The following PPFIA2 variants were observed in gnomAD, a reference collection of about 807,000 sequenced individuals.
The protein encoded by PPFIA2 is liprin-alpha-2.
PPFIA2 carries 46 observed loss-of-function variants against 175.5 expected under a neutral mutation model. The observed-to-expected ratio is 0.26, with a 90% CI of 0.21 to 0.34. The LOEUF (loss-of-function observed/expected upper bound fraction) is 0.34. Among genes scored for constraint, PPFIA2 ranks in the 10% least tolerant of loss-of-function variants. The pLI is 1.00. For missense variants in PPFIA2, 1,179 were observed against 1,506.1 expected (o/e 0.78, Z 3.60); for synonymous variants, 568 against 511.4 (o/e 1.11, Z -1.49).
chr12:81,713,898 T>C (rs548690218), intron 3 of PPFIA2, among the ~76,000 whole-genome samples: 2 of 151,394 alleles, frequency 1.3e-5, no homozygotes, highest in African/African-American at 4.8e-5. Flanking sequence ...ATTTGTCTGT[T>C]AGTAATAAAT....
At chr12:81,599,631 C>T (rs1290504877) in intron 4 of PPFIA2, among the ~76,000 whole-genome samples, 4 of 151,952 alleles carry the variant, frequency 2.6e-5, no homozygotes. Flanking sequence ...AACTAAGAAA[C>T]TGATGTTAGT....
At chr12:81,637,201 C>T (rs2064193771) in intron 4 of PPFIA2, among the ~76,000 whole-genome samples, 1 of 143,634 alleles carries the variant, frequency 7.0e-6, no homozygotes, top group Non-Finnish European at 1.5e-5. Flanking sequence ...TCCCAAGTAG[C>T]TGGGATTACA....
At chr12:81,410,800 A>G (rs1320523979) in intron 7 of PPFIA2, among the ~76,000 whole-genome samples, 2 of 152,056 alleles carry the variant, frequency 1.3e-5, no homozygotes, top group Admixed American at 1.3e-4. Flanking sequence ...AGCTATGGGA[A>G]ACGATTCTCT....
chr12:81,441,536 T>C (rs2050175345), intron 6 of PPFIA2, among the ~76,000 whole-genome samples: 1 of 152,092 alleles, frequency 6.6e-6, no homozygotes, highest in African/African-American at 2.4e-5. Flanking sequence ...TATCCAATTG[T>C]TAACAAAATA....
At chr12:81,360,045 A>T (rs1408014830) in intron 15 of PPFIA2, among the ~76,000 whole-genome samples, 1 of 151,820 alleles carries the variant, frequency 6.6e-6, no homozygotes, top group Non-Finnish European at 1.5e-5. Flanking sequence ...TTCTCCTGAA[A>T]ACAGTCTCAA....
intron 3 of PPFIA2, among the ~76,000 whole-genome samples, chr12:81,729,294 A>C (rs1379929761): frequency 1.3e-5 from 2 of 151,534 alleles, no homozygotes; most frequent in East Asian, 3.9e-4. Context: ...CCATGGTCAC[A>C]CAGAAAAATT....
intron 8 of PPFIA2, among the ~76,000 whole-genome samples, chr12:81,393,681 GGAGTACCAA>G (rs1208245212): frequency 6.6e-6 from 1 of 152,176 alleles, no homozygotes; most frequent in East Asian, 1.9e-4. Context: ...TAGATCACAA[GGAGTACCAA>G]GAGTCCACAA....
At chr12:81,629,260 A>G (rs1195807563) in intron 4 of PPFIA2, among the ~76,000 whole-genome samples, 1 of 152,180 alleles carries the variant, frequency 6.6e-6, no homozygotes, top group Non-Finnish European at 1.5e-5. Context: ...ATTATATTCT[A>G]ACTAGGTAGA....
chr12:81,274,356 ATAT>A lies in PPFIA2; in HGVS notation c.3310+2958_3310+2960del, dbSNP rs561076181. Among the ~76,000 whole-genome samples, 245 of 152,328 alleles carry A rather than the reference ATAT, an allele frequency of 1.6e-3. 1 individual carries two copies. The highest frequency in any genetic ancestry group is 3.4e-3 in the Middle Eastern group (1 of 294). ...GGTTTATATTTTGATAGTCTAAGAC[ATAT>A]TATGTGGTCGTGATATTTCTGCAAA... On this transcript the variant is annotated intron_variant, in intron 28 of 32. Transcript: ENST00000549396.
chr12:81,273,889 C>G (rs557105557), intron 28 of PPFIA2, among the ~76,000 whole-genome samples: 1 of 151,564 alleles, frequency 6.6e-6, no homozygotes, highest in Non-Finnish European at 1.5e-5. Context: ...CCCCGCCCCC[C>G]CCCAAACCGG....
intron 3 of PPFIA2, chr12:81,687,509 C>A (rs549173582): frequency 1.3e-5 from 2 of 152,146 alleles, no homozygotes; most frequent in South Asian, 4.1e-4. Context: ...GAGGGTTCTA[C>A]TCTAGCACAA....
intron 7 of PPFIA2, chr12:81,430,328 G>C (rs903357198): frequency 2.0e-5 from 3 of 152,028 alleles, no homozygotes; most frequent in Admixed American, 6.6e-5. Flanking sequence ...TTTCTCAAAA[G>C]AGTATTACCT....
intron 4 of PPFIA2, among the ~76,000 whole-genome samples, chr12:81,569,866 G>C (rs1195206543): frequency 6.6e-6 from 1 of 152,188 alleles, no homozygotes; most frequent in African/African-American, 2.4e-5. Context: ...GGTTAGAAAT[G>C]ATTATGTCAA....
At chr12:81,591,679 A>C (rs73145474) in intron 4 of PPFIA2, among the ~76,000 whole-genome samples, 4,194 of 152,242 alleles carry the variant, frequency 0.028, 69 homozygotes, top group East Asian at 0.078. Context: ...TGGAAGCCTG[A>C]AGCCTTGGCA....
intron 28 of PPFIA2, among the ~76,000 whole-genome samples, chr12:81,276,321 T>G (rs1035432607): frequency 2.0e-5 from 3 of 152,126 alleles, no homozygotes; most frequent in Non-Finnish European, 2.9e-5. Flanking sequence ...ATGGGTACAA[T>G]GTACATCATT....
intron 22 of PPFIA2, among the ~76,000 whole-genome samples, chr12:81,308,952 G>T (rs1356326619): frequency 6.6e-6 from 1 of 152,136 alleles, no homozygotes; most frequent in Non-Finnish European, 1.5e-5. Flanking sequence ...TGGCACATAA[G>T]AAGTACTTAC....
At position 81,258,858 on chromosome 12, in the gene PPFIA2, T is replaced by A. The variant is rs1379485646; in HGVS notation, c.*836A>T. ...TGTGGTTCTTAGTAAAGAAGTTTTT[T>A]TATCTTTTTTTTTTTCTTGGTCCAC... On this transcript the variant is annotated 3_prime_UTR_variant, in exon 33 of 33. Transcript: ENST00000549396. The A allele has an allele frequency of 6.6e-6, 1 of 150,830 alleles. No individual in the cohort carries two copies. Among genetic ancestry groups the A allele is most frequent in the African/African-American group, 2.5e-5 (1 of 40,292 alleles). The allele number at this position is 150,830 out of a possible 1,614,324, so 9.3% of individuals were successfully genotyped here.
chr12:81,591,554 C>G (rs541858582), intron 4 of PPFIA2, among the ~76,000 whole-genome samples: 126 of 152,234 alleles, frequency 8.3e-4, no homozygotes, highest in Non-Finnish European at 1.2e-3. Context: ...TTTCATGGGC[C>G]GGGCCCAGGG....
chr12:81,316,976 T>C (rs2052513971), intron 22 of PPFIA2, among the ~76,000 whole-genome samples: 1 of 151,654 alleles, frequency 6.6e-6, no homozygotes, highest in Non-Finnish European at 1.5e-5. Context: ...TATTTCTTGA[T>C]GCATAAAAGA....
Sources: allele counts gnomAD v4.1 joint callset (sites outside exome capture counted in the v4.1 genomes callset), GRCh38; gene constraint gnomAD v4.1.1; transcripts MANE v1.5; gene names NCBI Gene and HGNC (gene_info 2026-07-23, HGNC 2026-07-21).